ZNF438: variants seen among roughly 807,000 people sequenced by gnomAD.
The protein encoded by ZNF438 is zinc finger protein 438.
In ZNF438, 25 loss-of-function variants were observed where a neutral mutation model predicts 38.0. The observed-to-expected ratio is 0.66, with a 90% CI of 0.48 to 0.92. The LOEUF is 0.92. Among genes scored for constraint, ZNF438 ranks in the 40% least tolerant of loss-of-function variants. The pLI is 0.00. For synonymous variants in ZNF438, 372 were observed against 364.1 expected (o/e 1.02, Z -0.25); for missense variants, 1,007 against 999.6 (o/e 1.01, Z -0.10).
At chr10:30,882,560 G>C (rs2039409417) in intron 3 of ZNF438, among the ~76,000 whole-genome samples, 1 of 152,190 alleles carries the variant, frequency 6.6e-6, no homozygotes, top group Non-Finnish European at 1.5e-5. Context: ...GAAGAAACAT[G>C]ATGCTATACG....
chr10:30,928,989 T>C (rs1203672189), intron 2 of ZNF438, among the ~76,000 whole-genome samples: 1 of 150,422 alleles, frequency 6.6e-6, no homozygotes, highest in Non-Finnish European at 1.5e-5. Context: ...TCATATGCTT[T>C]CTGTTTCAGA....
In ZNF438 at chr10:30,898,906, T is replaced by A. The variant is rs531204706; in HGVS notation, c.-32+10027A>T. Reference sequence around the variant, plus strand: ...TATAATTCTCACTCAATACTTTTTCTAAACTCAAAATAATTTCAACTTAGT... The same window carrying A: ...TATAATTCTCACTCAATACTTTTTCAAAACTCAAAATAATTTCAACTTAGT... On this transcript the variant is annotated intron_variant, in intron 3 of 5. Transcript: ENST00000413025. Among the ~76,000 whole-genome samples the A allele has an allele frequency of 2.0e-5, 3 of 152,332 alleles. No homozygotes were observed. In the South Asian group the frequency reaches 6.2e-4, roughly 32 times the overall value.
intron 4 of ZNF438, among the ~76,000 whole-genome samples, chr10:30,859,826 G>C (rs1359492002): frequency 6.6e-6 from 1 of 152,158 alleles, no homozygotes; most frequent in Non-Finnish European, 1.5e-5. Flanking sequence ...CACAAATCTT[G>C]AATGATCAGC....
chr10:30,935,878 C>G (rs900438706), intron 2 of ZNF438, among the ~76,000 whole-genome samples: 6 of 152,076 alleles, frequency 3.9e-5, no homozygotes, highest in Non-Finnish European at 8.8e-5. Flanking sequence ...GGGAACTGCC[C>G]CATGATCCAA....
rs754267042 is a variant in ZNF438, at chr10:30,849,698, A to C, written c.707T>G (p.Leu236Arg). The C allele has an allele frequency of 2.4e-5, 38 of 1,614,044 alleles. No individual in the cohort carries two copies. Among genetic ancestry groups the C allele is most frequent in the Non-Finnish European group, 3.1e-5 (37 of 1,180,046 alleles). Residue 236 changes from leucine to arginine, a missense_variant, in exon 5 of 6, where the codon CTT becomes CGT. Physicochemically the swap from Leu to Arg is moderately radical, Grantham distance 102. Transcript: ENST00000413025. ...GCTTACAAAGTGTGCTTTCCCTGAA[A>C]GAGCTGTGAGGTCCTGCTTGGCAGG... is the stretch of plus-strand genomic sequence containing the variant.
At chr10:31,029,343 A>G (rs2057135737) in intron 1 of ZNF438, among the ~76,000 whole-genome samples, 1 of 152,062 alleles carries the variant, frequency 6.6e-6, no homozygotes, top group Admixed American at 6.6e-5. Context: ...TTTTACTAGC[A>G]CTGTTGTTAT....
At chr10:30,944,597 G>A (rs565549121) in intron 1 of ZNF438, among the ~76,000 whole-genome samples, 22 of 152,272 alleles carry the variant, frequency 1.4e-4, no homozygotes, top group Non-Finnish European at 2.2e-4. Flanking sequence ...TTCAGTTGAC[G>A]AATGCCACTA....
At chr10:31,007,339 T>C (rs1426552879) in intron 1 of ZNF438, among the ~76,000 whole-genome samples, 1 of 147,032 alleles carries the variant, frequency 6.8e-6, no homozygotes, top group Non-Finnish European at 1.5e-5. Flanking sequence ...TGAAGTGCAG[T>C]GGCGTGATCT....
chr10:30,899,484 T>C (rs909317486), intron 3 of ZNF438, among the ~76,000 whole-genome samples: 3 of 152,192 alleles, frequency 2.0e-5, no homozygotes, highest in Admixed American at 2.0e-4. Flanking sequence ...ACAAAGGCTT[T>C]AAAGAAATAA....
intron 2 of ZNF438, among the ~76,000 whole-genome samples, chr10:30,938,851 G>C (rs933839419): frequency 6.6e-6 from 1 of 151,928 alleles, no homozygotes; most frequent in Non-Finnish European, 1.5e-5. Flanking sequence ...CTGGAGTGCA[G>C]TGGCACGATC....
chr10:30,957,786 C>T (rs2049027794), intron 1 of ZNF438, among the ~76,000 whole-genome samples: 1 of 152,076 alleles, frequency 6.6e-6, no homozygotes, highest in South Asian at 2.1e-4. Flanking sequence ...GGAGAATTGA[C>T]ATTATTACTA....
chr10:30,887,451 T>C (rs2040100618), intron 3 of ZNF438, among the ~76,000 whole-genome samples: 1 of 151,464 alleles, frequency 6.6e-6, no homozygotes, highest in Non-Finnish European at 1.5e-5. Flanking sequence ...CGGCTCACTG[T>C]ACTCCAGCCC....
At chr10:30,953,376 C>T (rs1217734577) in intron 1 of ZNF438, among the ~76,000 whole-genome samples, 1 of 150,134 alleles carries the variant, frequency 6.7e-6, no homozygotes, top group Non-Finnish European at 1.5e-5. Flanking sequence ...ACAATGTGCA[C>T]ATGTACCCTA....
rs531649709 is a variant in ZNF438 at position 30,924,571 on chromosome 10, T to A, written c.-114-15556A>T. Among the ~76,000 whole-genome samples the A allele has an allele frequency of 1.2e-4, 19 of 152,344 alleles. No homozygotes were observed. The South Asian group carries it at 3.9e-3, about 32-fold the overall frequency. On this transcript the variant is annotated intron_variant, in intron 2 of 5. Coordinates refer to ENST00000413025, the Ensembl canonical transcript of ZNF438. Reference sequence around the variant, plus strand: ...CTTTAAGACCAGAATGGTCAATTTCTGTTTATCCAAAAAACTATCTATGGG... The same window carrying A: ...CTTTAAGACCAGAATGGTCAATTTCAGTTTATCCAAAAAACTATCTATGGG...
At chr10:31,011,504 C>T (rs2055697728) in intron 1 of ZNF438, among the ~76,000 whole-genome samples, 1 of 152,070 alleles carries the variant, frequency 6.6e-6, no homozygotes, top group African/African-American at 2.4e-5. Context: ...AAGGTGAGGA[C>T]AAAATGGGAG....
intron 4 of ZNF438, among the ~76,000 whole-genome samples, chr10:30,871,562 A>G (rs1691881952): frequency 6.6e-6 from 1 of 152,206 alleles, no homozygotes; most frequent in Non-Finnish European, 1.5e-5. Context: ...GAATGATATG[A>G]GTATTAACTA....
chr10:31,031,148 A>AACT (rs1343753399), intron 1 of ZNF438, among the ~76,000 whole-genome samples: 1 of 152,206 alleles, frequency 6.6e-6, no homozygotes, highest in Non-Finnish European at 1.5e-5. Flanking sequence ...AAACAGTGAA[A>AACT]AAGTTCCCCT....
chr10:31,024,365 G>C (rs774853697), intron 1 of ZNF438, among the ~76,000 whole-genome samples: 1 of 152,154 alleles, frequency 6.6e-6, no homozygotes, highest in African/African-American at 2.4e-5. Flanking sequence ...AGTGGCTTAC[G>C]CCTGTAATCC....
At chr10:31,025,203 G>C (rs2056863666) in intron 1 of ZNF438, among the ~76,000 whole-genome samples, 2 of 152,128 alleles carry the variant, frequency 1.3e-5, no homozygotes, top group Admixed American at 1.3e-4. Flanking sequence ...AGGAAGGAGG[G>C]AGTGAAGGAA....
Sources: allele counts gnomAD v4.1 joint callset (sites outside exome capture counted in the v4.1 genomes callset), GRCh38; gene constraint gnomAD v4.1.1; transcripts MANE v1.5; gene names NCBI Gene and HGNC (gene_info 2026-07-23, HGNC 2026-07-21).